PCDHGA4: variants seen among roughly 807,000 people sequenced by gnomAD.
PCDHGA4 encodes the protein protocadherin gamma-A4.
In PCDHGA4, 38 loss-of-function variants were observed where a neutral mutation model predicts 54.6. The ratio of observed to expected loss-of-function variants is 0.70; its 90% CI spans 0.54 to 0.91. PCDHGA4 has a LOEUF of 0.91. Among genes scored for constraint, PCDHGA4 ranks in the 40% least tolerant of loss-of-function variants. PCDHGA4 has a pLI of 0.00. For synonymous variants in PCDHGA4, 511 were observed against 512.9 expected (o/e 1.00, Z 0.05); for missense variants, 1,298 against 1,220.9 (o/e 1.06, Z -0.94).
chr5:141,506,516 G>A (rs2099854579), intron 3 of PCDHGA4, among the ~76,000 whole-genome samples: 1 of 151,324 alleles, frequency 6.6e-6, no homozygotes, highest in Non-Finnish European at 1.5e-5. Flanking sequence ...CTGGCACCTG[G>A]CACCACCACT....
In PCDHGA4 at chr5:141,487,120, T is replaced by C. The variant is rs1342042604; in HGVS notation, c.2515-7687T>C. 1.9e-6 allele frequency: 3 copies of C among 1,613,948 alleles called. No homozygotes were observed. Among genetic ancestry groups the C allele is most frequent in the Admixed American group, 1.7e-5 (1 of 60,028 alleles). ...AGAAGCTGGTCATTGTGGTAAAGGA[T>C]AGTGGTAGTCCACCACTCTCTACCT... On this transcript the variant is annotated intron_variant, in intron 1 of 3. Coordinates refer to ENST00000571252, the MANE Select transcript of PCDHGA4 (RefSeq NM_018917.4). The surrounding 1 kb of genome is among the most constrained non-coding windows in gnomAD (Gnocchi z 5.0).
intron 1 of PCDHGA4, chr5:141,412,671 A>T (rs1335241581): frequency 6.6e-6 from 1 of 152,290 alleles, no homozygotes; most frequent in Non-Finnish European, 1.5e-5. Flanking sequence ...AATATGACCT[A>T]AAATAAGTAT....
At chr5:141,415,538 G>A in intron 1 of PCDHGA4, 1 of 1,614,182 alleles carries the variant, frequency 6.2e-7, no homozygotes, top group Non-Finnish European at 8.5e-7. Flanking sequence ...AGCCAGGAGA[G>A]CTGTGAGAAA....
intron 1 of PCDHGA4, among the ~76,000 whole-genome samples, chr5:141,492,574 G>T (rs2099742096): frequency 6.6e-6 from 1 of 152,232 alleles, no homozygotes; most frequent in Non-Finnish European, 1.5e-5. Flanking sequence ...TGAGCGAGGC[G>T]CGGGGCCAGG....
chr5:141,475,768 G>A (rs756539564), intron 1 of PCDHGA4, among the ~76,000 whole-genome samples: 5 of 152,280 alleles, frequency 3.3e-5, no homozygotes, highest in South Asian at 2.1e-4. Flanking sequence ...TACTGGCAAG[G>A]CGCTTTGGCT....
chr5:141,432,374 C>A lies in PCDHGA4; in HGVS notation c.2515-62433C>A. 2.5e-6 allele frequency: 4 copies of A among 1,614,240 alleles called. No individual in the cohort carries two copies. Among genetic ancestry groups the A allele is most frequent in the Non-Finnish European group, 3.4e-6 (4 of 1,180,042 alleles). On this transcript the variant is annotated intron_variant, in intron 1 of 3. Coordinates refer to ENST00000571252, the MANE Select transcript of PCDHGA4 (RefSeq NM_018917.4). This position sits in a 1 kb window ranked among gnomAD's most constrained non-coding sequence, Gnocchi z 6.0. ...GAAAGTGATGGCGCGGGACAACGGG[C>A]ACCCGCCCCTCAGCAGCAACGTGTC...
intron 3 of PCDHGA4, chr5:141,506,958 A>C (rs529190059): frequency 1.6e-3 from 239 of 152,280 alleles, no homozygotes; most frequent in African/African-American, 5.5e-3. Flanking sequence ...GAATCCTCTC[A>C]ATAGCTCTGC....
chr5:141,379,238 A>C (rs1775465373), intron 1 of PCDHGA4: 1 of 152,242 alleles, frequency 6.6e-6, no homozygotes, highest in Non-Finnish European at 1.5e-5. Flanking sequence ...CTGAACCAAT[A>C]TTGTGGTATT....
At position 141,394,528 on chromosome 5, in the gene PCDHGA4, C is replaced by T. The variant is rs1465272752; in HGVS notation, c.2514+36907C>T. Reference sequence around the variant, plus strand: ...TACCCCGCCCTCCCCACAGACGGTTCCACTGGCGTGGAGCTGGCGCCCCGC... The same window carrying T: ...TACCCCGCCCTCCCCACAGACGGTTTCACTGGCGTGGAGCTGGCGCCCCGC... On this transcript the variant is annotated intron_variant, in intron 1 of 3. Transcript: ENST00000571252. 3 of 1,614,096 alleles carry T rather than the reference C, an allele frequency of 1.9e-6. No individual in the cohort carries two copies. The highest frequency in any genetic ancestry group is 2.5e-6 in the Non-Finnish European group (3 of 1,180,058).
chr5:141,477,607 G>A lies in PCDHGA4; in HGVS notation c.2515-17200G>A, dbSNP rs1223703956. ...ATGCTCGGCTTTCTTTCTTTCTCTT[G>A]GAGCAAGGAGCTGAAACCGGGCTAG... is the stretch of plus-strand genomic sequence containing the variant. On this transcript the variant is annotated intron_variant, in intron 1 of 3. Coordinates refer to ENST00000571252, the MANE Select transcript of PCDHGA4 (RefSeq NM_018917.4). The surrounding 1 kb of genome is among the most constrained non-coding windows in gnomAD (Gnocchi z 4.9). 2 of 1,614,028 alleles carry A rather than the reference G, an allele frequency of 1.2e-6. No individual in the cohort carries two copies. The highest frequency in any genetic ancestry group is 3.3e-5 in the Admixed American group (2 of 60,000).
At chr5:141,434,608 C>T (rs142418557) in intron 1 of PCDHGA4, among the ~76,000 whole-genome samples, 1,532 of 152,226 alleles carry the variant, frequency 0.01, 34 homozygotes, top group African/African-American at 0.034. Flanking sequence ...CCTTTATTTC[C>T]GCCCATCTCT....
At chr5:141,418,800 G>A in intron 1 of PCDHGA4, 1 of 1,613,800 alleles carries the variant, frequency 6.2e-7, no homozygotes, top group African/African-American at 1.3e-5. Context: ...GAAGTAGAAA[G>A]ATATACGATA....
Position 141,413,628 on chromosome 5 carries a change from T to G in PCDHGA4, c.2514+56007T>G, listed in dbSNP as rs570797524. 4.3e-6 allele frequency: 7 copies of G among 1,613,878 alleles called. No homozygotes were observed. The African/African-American group carries it at 6.7e-5, about 15-fold the overall frequency. On this transcript the variant is annotated intron_variant, in intron 1 of 3. Coordinates refer to ENST00000571252, the MANE Select transcript of PCDHGA4 (RefSeq NM_018917.4). ...ACGTAAAAATTAATGAAAATGTCGC[T>G]GCGGGAATGCGTTTTCCTCTCCCGG...
Position 141,364,604 on chromosome 5 carries a change from C to G in PCDHGA4, c.2514+6983C>G, listed in dbSNP as rs370007558. On this transcript the variant is annotated intron_variant, in intron 1 of 3. Transcript: ENST00000571252. ...CTTGGTCACCGCGGGCAGGATAGAC[C>G]GGGAGGAGCTCTGCGCTCAGAGCCC... 4.1e-5 allele frequency: 66 copies of G among 1,614,044 alleles called. No individual in the cohort carries two copies. Among genetic ancestry groups the G allele is most frequent in the Non-Finnish European group, 5.3e-5 (63 of 1,180,004 alleles).
intron 1 of PCDHGA4, chr5:141,384,465 T>A (rs1561602415): frequency 6.2e-7 from 1 of 1,614,118 alleles, no homozygotes; most frequent in Non-Finnish European, 8.5e-7. Flanking sequence ...CCTTTGATTA[T>A]GAGCAGTTGA....
intron 1 of PCDHGA4, chr5:141,423,750 TGGGGGG>T: frequency 3.5e-6 from 1 of 287,482 alleles, no homozygotes; most frequent in Non-Finnish European, 4.5e-6. Flanking sequence ...GAAAACTGTT[TGGGGGG>T]GGGGTGGGGC....
chr5:141,426,418 T>C (rs1445827088), intron 1 of PCDHGA4: 2 of 288,504 alleles, frequency 6.9e-6, no homozygotes, highest in Non-Finnish European at 1.4e-5. Flanking sequence ...GGTCCAGGGC[T>C]CCGTGGTGGG....
At chr5:141,387,135 T>C (rs2090834693) in intron 1 of PCDHGA4, among the ~76,000 whole-genome samples, 1 of 152,208 alleles carries the variant, frequency 6.6e-6, no homozygotes, top group African/African-American at 2.4e-5. Context: ...ACTGAAACTA[T>C]TGGGAAGGGG....
At position 141,476,128 on chromosome 5, in the gene PCDHGA4, G is replaced by A. The variant is rs1450094771; in HGVS notation, c.2515-18679G>A. 1 of 1,606,456 alleles carries A rather than the reference G, an allele frequency of 6.2e-7. No homozygotes were observed. Among genetic ancestry groups the A allele is most frequent in the African/African-American group, 1.3e-5 (1 of 74,874 alleles). On this transcript the variant is annotated intron_variant, in intron 1 of 3. Transcript: ENST00000571252. The surrounding 1 kb of genome is among the most constrained non-coding windows in gnomAD (Gnocchi z 7.6). ...TGCTTTTGAGTGAGATGGTCCCAGA[G>A]GCCTGGAGGAGCGGACTGGTAAGCA...
Sources: allele counts gnomAD v4.1 joint callset (sites outside exome capture counted in the v4.1 genomes callset), GRCh38; gene constraint gnomAD v4.1.1; non-coding constraint Gnocchi (gnomAD v3.1); transcripts MANE v1.5; gene names NCBI Gene and HGNC (gene_info 2026-07-23, HGNC 2026-07-21).